The following IMMP2L variants were observed in gnomAD, a reference collection of about 807,000 sequenced individuals.
IMMP2L encodes the protein mitochondrial inner membrane protease subunit 2.
Under a neutral mutation model 19.3 loss-of-function variants are expected in IMMP2L, and 18 were observed. The ratio of observed to expected loss-of-function variants is 0.93; its 90% CI spans 0.64 to 1.38. The LOEUF (loss-of-function observed/expected upper bound fraction) is 1.38. Ranked by LOEUF, IMMP2L falls within the 40% of genes most tolerant of loss-of-function variation. The pLI is 0.00. For synonymous variants in IMMP2L, 76 were observed against 73.0 expected (o/e 1.04, Z -0.21); for missense variants, 233 against 218.2 (o/e 1.07, Z -0.43).
chr7:110,848,786 T>C (rs1805917528), intron 5 of IMMP2L, among the ~76,000 whole-genome samples: 1 of 152,078 alleles, frequency 6.6e-6, no homozygotes, highest in South Asian at 2.1e-4. Context: ...TGCAAATTAC[T>C]AAGTGAAAGA....
At chr7:111,344,471 A>C (rs141411468) in intron 3 of IMMP2L, among the ~76,000 whole-genome samples, 1 of 152,256 alleles carries the variant, frequency 6.6e-6, no homozygotes, top group Non-Finnish European at 1.5e-5. Flanking sequence ...TTTCTCTATT[A>C]CCCATTCACT....
At position 111,438,826 on chromosome 7, in the gene IMMP2L, A is replaced by C. The variant is rs1355919591; in HGVS notation, c.239+48412T>G. 5.3e-5 allele frequency among the ~76,000 whole-genome samples: 8 copies of C among 151,984 alleles called. No homozygotes were observed. The Middle Eastern group carries it at 0.01, about 194-fold the overall frequency. ...CCCTAACACAATCTCTTAAAAAAGA[A>C]ATTACAACTTCCAATCTCCATTTGT... is the stretch of plus-strand genomic sequence containing the variant. On this transcript the variant is annotated intron_variant, in intron 3 of 5. Transcript: ENST00000405709.
chr7:110,921,163 T>C (rs1814232649), intron 4 of IMMP2L, among the ~76,000 whole-genome samples: 1 of 152,240 alleles, frequency 6.6e-6, no homozygotes, highest in Non-Finnish European at 1.5e-5. Flanking sequence ...TTGTTTTATA[T>C]GCTACTCATT....
intron 5 of IMMP2L, among the ~76,000 whole-genome samples, chr7:110,860,943 T>C (rs2129542707): frequency 6.6e-6 from 1 of 152,182 alleles, no homozygotes; most frequent in Admixed American, 6.6e-5. Context: ...TAAAAATGTA[T>C]GTAATGAATC....
At chr7:111,370,644 GC>G (rs1350234922) in intron 3 of IMMP2L, among the ~76,000 whole-genome samples, 1 of 151,842 alleles carries the variant, frequency 6.6e-6, no homozygotes, top group Non-Finnish European at 1.5e-5. Context: ...ATAATTAGTA[GC>G]ACTACCATCA....
At chr7:110,862,297 G>A (rs995470192) in intron 5 of IMMP2L, among the ~76,000 whole-genome samples, 1 of 151,678 alleles carries the variant, frequency 6.6e-6, no homozygotes, top group Non-Finnish European at 1.5e-5. Flanking sequence ...TGGGGATCCA[G>A]AATGTCTTTA....
At chr7:111,374,551 T>C (rs1218136779) in intron 3 of IMMP2L, among the ~76,000 whole-genome samples, 2 of 152,094 alleles carry the variant, frequency 1.3e-5, no homozygotes, top group African/African-American at 2.4e-5. Context: ...GTCTAACAAG[T>C]ACTCTGATGA....
chr7:111,470,419 C>T (rs1231600405), intron 3 of IMMP2L, among the ~76,000 whole-genome samples: 1 of 152,022 alleles, frequency 6.6e-6, no homozygotes, highest in East Asian at 1.9e-4. Flanking sequence ...TAGACACATG[C>T]ACACGTATGT....
chr7:111,236,375 C>T (rs1325788756), intron 3 of IMMP2L, among the ~76,000 whole-genome samples: 1 of 152,106 alleles, frequency 6.6e-6, no homozygotes, highest in Non-Finnish European at 1.5e-5. Context: ...TTAGGCAAAA[C>T]TGGCACAGCC....
At chr7:111,006,496 C>T (rs1824306508) in intron 3 of IMMP2L, among the ~76,000 whole-genome samples, 1 of 152,170 alleles carries the variant, frequency 6.6e-6, no homozygotes, top group African/African-American at 2.4e-5. Flanking sequence ...TTTATTTTAA[C>T]ATTCATTCAC....
chr7:110,738,098 C>G lies in IMMP2L; in HGVS notation c.409-74377G>C, dbSNP rs112459124. 2.5e-3 allele frequency among the ~76,000 whole-genome samples: 383 copies of G among 152,178 alleles called. 4 individuals carry two copies. Among genetic ancestry groups the G allele is most frequent in the African/African-American group, 8.7e-3 (360 of 41,502 alleles). Reference sequence around the variant, plus strand: ...AGATCTTCCCTCTGATGTAGTCTACCCAAATGAGAAGAAAGCAGAAAAACA... The same window carrying G: ...AGATCTTCCCTCTGATGTAGTCTACGCAAATGAGAAGAAAGCAGAAAAACA... On this transcript the variant is annotated intron_variant, in intron 5 of 5. Coordinates refer to ENST00000405709, the MANE Select transcript of IMMP2L (RefSeq NM_032549.4).
At chr7:111,243,176 T>G (rs1485310498) in intron 3 of IMMP2L, among the ~76,000 whole-genome samples, 1 of 152,110 alleles carries the variant, frequency 6.6e-6, no homozygotes, top group African/African-American at 2.4e-5. Flanking sequence ...GTTGCCTTGC[T>G]CACCAGCCAT....
chr7:111,076,354 T>C (rs1795411972), intron 3 of IMMP2L, among the ~76,000 whole-genome samples: 1 of 152,240 alleles, frequency 6.6e-6, no homozygotes, highest in Non-Finnish European at 1.5e-5. Context: ...CTACTTGCAC[T>C]GCTGACATTG....
At chr7:110,722,353 C>A (rs1795627131) in intron 5 of IMMP2L, among the ~76,000 whole-genome samples, 1 of 151,942 alleles carries the variant, frequency 6.6e-6, no homozygotes, top group Admixed American at 6.6e-5. Context: ...TCGAAAACCA[C>A]CACTCTTTAA....
In IMMP2L at chr7:111,074,895, T is replaced by C. The variant is rs116696913; in HGVS notation, c.240-111330A>G. Among the ~76,000 whole-genome samples the C allele has an allele frequency of 2.3e-3, 348 of 152,258 alleles. 1 individual carries two copies. The highest frequency in any genetic ancestry group is 8.0e-3 in the African/African-American group (331 of 41,540). ...GAAAATCTATTTGTACATAGAATCT[T>C]TAAGAACAAAGAAATTTGAGAGACT... On this transcript the variant is annotated intron_variant, in intron 3 of 5. Transcript: ENST00000405709.
intron 3 of IMMP2L, among the ~76,000 whole-genome samples, chr7:111,126,619 T>C (rs80284443): frequency 0.023 from 3,491 of 152,168 alleles, 113 homozygotes; most frequent in African/African-American, 0.076. Flanking sequence ...ACATTAGTAG[T>C]CATTTAAAAA....
At chr7:110,675,365 CA>C (rs35638654) in intron 5 of IMMP2L, among the ~76,000 whole-genome samples, 6 of 150,092 alleles carry the variant, frequency 4.0e-5, no homozygotes, top group East Asian at 2.0e-4. Context: ...TTGTCAGGCT[CA>C]AAAAAAAACA....
At chr7:110,843,290 A>G (rs542547149) in intron 5 of IMMP2L, among the ~76,000 whole-genome samples, 1 of 152,328 alleles carries the variant, frequency 6.6e-6, no homozygotes, top group East Asian at 1.9e-4. Flanking sequence ...TTGTTGGCAA[A>G]AAAAGATGAA....
intron 3 of IMMP2L, among the ~76,000 whole-genome samples, chr7:110,994,969 A>G (rs1822881070): frequency 6.6e-6 from 1 of 152,150 alleles, no homozygotes; most frequent in Non-Finnish European, 1.5e-5. Flanking sequence ...AAGAAAATAA[A>G]TCTTCCCAGA....
Sources: gnomAD v4.1 joint callset for allele counts (sites outside exome capture counted in the v4.1 genomes callset) on GRCh38, gnomAD v4.1.1 for gene constraint, MANE v1.5 for transcripts, NCBI Gene and HGNC (gene_info 2026-07-23, HGNC 2026-07-21) for gene names.